The following TMEM38B variants were observed in gnomAD, a reference collection of about 807,000 sequenced individuals.
TMEM38B encodes the protein transmembrane protein 38B.
TMEM38B carries 24 observed loss-of-function variants against 28.7 expected under a neutral mutation model. The ratio of observed to expected loss-of-function variants is 0.84; its 90% confidence interval spans 0.61 to 1.18. The LOEUF is 1.18. TMEM38B is among the 50% of genes most tolerant of loss of function. The pLI, the probability that TMEM38B is intolerant of heterozygous loss-of-function variation, is 0.00. For synonymous variants in TMEM38B, 131 were observed against 127.7 expected, an observed-to-expected ratio of 1.03 and a Z score of -0.17; for missense variants, 380 against 350.9, an observed-to-expected ratio of 1.08 and a Z score of -0.66.
intron 1 of TMEM38B, among the ~76,000 whole-genome samples, chr9:105,696,419 G>C (rs1032333315): frequency 1.7e-4 from 26 of 152,174 alleles, no homozygotes; most frequent in African/African-American, 6.3e-4. Context: ...CTCCGGAGTA[G>C]CTGGGAGGCG....
intron 4 of TMEM38B, among the ~76,000 whole-genome samples, chr9:105,730,744 C>G (rs1224567511): frequency 6.6e-6 from 1 of 152,092 alleles, no homozygotes; most frequent in Admixed American, 6.5e-5. Flanking sequence ...AATTTCAGAG[C>G]CTGTTATTGG....
rs745824524 is a variant in TMEM38B, at chr9:105,721,575, A to G, written c.308A>G (p.Gln103Arg). Residue 103 changes from glutamine to arginine, a missense_variant, in exon 3 of 6, where the codon CAG (glutamine) becomes CGG (arginine). Coordinates refer to ENST00000374692, the MANE Select transcript of TMEM38B (RefSeq NM_018112.3). ...TFFCPHDLVSQGYSYLPVQLL... is the reference protein window; with the variant it reads ...TFFCPHDLVSRGYSYLPVQLL... ...TTTTGCCCGCATGACCTAGTTTCCC[A>G]GGGCTATTCATATCTACCTGTTCAA... 9.9e-6 allele frequency: 16 copies of G among 1,610,562 alleles called. No individual in the cohort carries two copies. Among genetic ancestry groups the G allele is most frequent in the Non-Finnish European group, 1.3e-5 (15 of 1,178,518 alleles).
intron 5 of TMEM38B, 145 bp from the exon 6 acceptor site, chr9:105,773,720 A>G: frequency 2.9e-6 from 2 of 689,266 alleles, no homozygotes; most frequent in Non-Finnish European, 4.7e-6. Flanking sequence ...CATGGAGAAC[A>G]GAGATTTTAC....
intron 2 of TMEM38B, among the ~76,000 whole-genome samples, chr9:105,717,827 G>A (rs1388433985): frequency 6.6e-6 from 1 of 152,036 alleles, no homozygotes; most frequent in Non-Finnish European, 1.5e-5. Context: ...GTTTAGTTAG[G>A]CATTACAAAA....
intron 2 of TMEM38B, chr9:105,710,187 C>G (rs1314004795): frequency 2.3e-6 from 1 of 436,654 alleles, no homozygotes; most frequent in Non-Finnish European, 4.3e-6. Flanking sequence ...TCCACACACC[C>G]CTTTGTCACT....
chr9:105,745,215 T>C (rs1407538815), intron 4 of TMEM38B, among the ~76,000 whole-genome samples: 1 of 152,182 alleles, frequency 6.6e-6, no homozygotes, highest in African/African-American at 2.4e-5. Flanking sequence ...AGTGTAAAAG[T>C]GTTCCTATTT....
At chr9:105,737,590 C>T (rs776986881) in intron 4 of TMEM38B, among the ~76,000 whole-genome samples, 10 of 152,166 alleles carry the variant, frequency 6.6e-5, no homozygotes, top group East Asian at 1.9e-4. Flanking sequence ...GCAGCGTAGA[C>T]GCTGGGGACT....
intron 4 of TMEM38B, among the ~76,000 whole-genome samples, chr9:105,724,020 G>A (rs560724263): frequency 2.6e-5 from 4 of 151,780 alleles, no homozygotes; most frequent in Admixed American, 1.3e-4. Flanking sequence ...ATTTTTAGTT[G>A]AGATGTGGTT....
chr9:105,727,166 G>C (rs1415319436), intron 4 of TMEM38B, among the ~76,000 whole-genome samples: 2 of 151,988 alleles, frequency 1.3e-5, no homozygotes, highest in Non-Finnish European at 2.9e-5. Context: ...CTTTAGACTT[G>C]TTCATCCTAC....
At chr9:105,735,139 A>G (rs1836923953) in intron 4 of TMEM38B, among the ~76,000 whole-genome samples, 1 of 152,148 alleles carries the variant, frequency 6.6e-6, no homozygotes, top group Non-Finnish European at 1.5e-5. Context: ...GACTATTTCA[A>G]GCTGATAACA....
chr9:105,752,837 G>A (rs1029687407), intron 5 of TMEM38B, among the ~76,000 whole-genome samples: 2 of 152,146 alleles, frequency 1.3e-5, no homozygotes, highest in African/African-American at 2.4e-5. Context: ...CTTGACAAAA[G>A]TAGGCTTCAG....
intron 2 of TMEM38B, among the ~76,000 whole-genome samples, chr9:105,718,291 T>A (rs1241539653): frequency 6.6e-6 from 1 of 151,654 alleles, no homozygotes; most frequent in Non-Finnish European, 1.5e-5. Flanking sequence ...TAGGCTGGAG[T>A]GCAATGGCAC....
At chr9:105,722,474 T>G in intron 3 of TMEM38B, 60 bp from the exon 4 acceptor site, 8 of 1,311,620 alleles carry the variant, frequency 6.1e-6, no homozygotes, top group Non-Finnish European at 8.8e-6. Context: ...ATGGCTCCCT[T>G]TAAATATGTT....
At chr9:105,738,431 A>G (rs1194151625) in intron 4 of TMEM38B, among the ~76,000 whole-genome samples, 1 of 149,712 alleles carries the variant, frequency 6.7e-6, no homozygotes, top group Admixed American at 6.6e-5. Flanking sequence ...AGTTGCTTCT[A>G]CTCCTTTGCT....
chr9:105,696,702 C>G (rs954805694), intron 1 of TMEM38B, among the ~76,000 whole-genome samples: 1 of 152,076 alleles, frequency 6.6e-6, no homozygotes, highest in South Asian at 2.1e-4. Flanking sequence ...TTGGGTGGCC[C>G]CAAGGAGATG....
At chr9:105,697,548 C>A (rs989687958) in intron 1 of TMEM38B, among the ~76,000 whole-genome samples, 12 of 152,032 alleles carry the variant, frequency 7.9e-5, no homozygotes, top group Admixed American at 2.0e-4. Flanking sequence ...TCTTATTGGT[C>A]ATTTGTATTT....
chr9:105,737,671 T>C (rs984837340), intron 4 of TMEM38B, among the ~76,000 whole-genome samples: 1 of 152,154 alleles, frequency 6.6e-6, no homozygotes, highest in African/African-American at 2.4e-5. Context: ...GCTCAACCAA[T>C]GCTCTATTTC....
intron 1 of TMEM38B, among the ~76,000 whole-genome samples, chr9:105,703,511 T>G (rs1006653597): frequency 2.0e-5 from 3 of 152,224 alleles, no homozygotes; most frequent in African/African-American, 4.8e-5. Context: ...TAAACATACG[T>G]GTGCATGTGT....
chr9:105,743,485 G>A (rs1327433701), intron 4 of TMEM38B, among the ~76,000 whole-genome samples: 1 of 152,172 alleles, frequency 6.6e-6, no homozygotes, highest in Non-Finnish European at 1.5e-5. Flanking sequence ...AAGATAGAGA[G>A]TTAGACAATA....
Sources: gnomAD v4.1 joint callset for allele counts (sites outside exome capture counted in the v4.1 genomes callset) on GRCh38, gnomAD v4.1.1 for gene constraint, MANE v1.5 for transcripts, NCBI Gene and HGNC (gene_info 2026-07-23, HGNC 2026-07-21) for gene names.